IL1RL1: variants seen among roughly 807,000 people sequenced by gnomAD.
The protein encoded by IL1RL1 is interleukin-1 receptor-like 1.
In IL1RL1, 32 loss-of-function variants were observed where a neutral mutation model predicts 50.9. The observed-to-expected ratio is 0.63, with a 90% CI of 0.47 to 0.84. IL1RL1 has a LOEUF of 0.84. Among genes scored for constraint, IL1RL1 ranks in the 40% least tolerant of loss-of-function variants. IL1RL1 has a pLI of 0.00. For synonymous variants in IL1RL1, 275 were observed against 236.0 expected (o/e 1.17, Z -1.51); for missense variants, 773 against 662.9 (o/e 1.17, Z -1.82).
Position 102,351,701 on chromosome 2 carries a change from C to T in IL1RL1, c.1451C>T (p.Ala484Val), listed in dbSNP as rs1559609324. 5.6e-6 allele frequency: 9 copies of T among 1,614,110 alleles called. No individual in the cohort carries two copies. The highest frequency in any genetic ancestry group is 7.6e-6 in the Non-Finnish European group (9 of 1,180,012). ...DAKVILIEME[A>V]LSELDMLQAE... ...AAGGTGATACTTATTGAGATGGAGGCTCTGAGCGAGCTGGACATGCTGCAG... is the reference window on the plus strand; with the variant it reads ...AAGGTGATACTTATTGAGATGGAGGTTCTGAGCGAGCTGGACATGCTGCAG... The change falls in exon 11 of 11, where the codon GCT becomes GTT. Residue 484 changes from alanine to valine, a missense_variant. Ala to Val is a moderately conservative substitution (Grantham distance 64). Coordinates refer to ENST00000233954, the MANE Select transcript of IL1RL1 (RefSeq NM_016232.5).
chr2:102,342,416 A>T (rs1677605074), intron 6 of IL1RL1, 122 bp downstream of exon 6: 1 of 665,194 alleles, frequency 1.5e-6, no homozygotes, highest in South Asian at 1.8e-5. Flanking sequence ...GGAGTAAGTG[A>T]GGTGACATCC....
At chr2:102,326,391 C>CA (rs1376879194) in intron 1 of IL1RL1, among the ~76,000 whole-genome samples, 1 of 152,068 alleles carries the variant, frequency 6.6e-6, no homozygotes, top group African/African-American at 2.4e-5. Context: ...CCAGCCACTG[C>CA]AAAAACATGC....
At position 102,343,054 on chromosome 2, in the gene IL1RL1, C is replaced by G; in HGVS notation, c.701C>G (p.Thr234Ser). 6.2e-7 allele frequency: 1 copy of G among 1,613,992 alleles called. No homozygotes were observed. Among genetic ancestry groups the G allele is most frequent in the Non-Finnish European group, 8.5e-7 (1 of 1,179,954 alleles). ...CCTCTAGGAAAAAACGCAAACCTAA[C>G]TTGCTCTGCTTGTTTTGGAAAAGGC... ...EVEIGKNANL[T>S]CSACFGKGTQ... The change falls in exon 7 of 11, where the codon ACT (threonine) becomes AGT (serine). Residue 234 changes from threonine (T) to serine (S), a missense_variant. Thr to Ser is a moderately conservative substitution (Grantham distance 58). Coordinates refer to ENST00000233954, the MANE Select transcript of IL1RL1 (RefSeq NM_016232.5).
At chr2:102,311,791 TAACA>T in intron 1 of IL1RL1, among the ~76,000 whole-genome samples, 168 bp downstream of exon 1, 1 of 107,028 alleles carries the variant, frequency 9.3e-6, no homozygotes, top group East Asian at 2.4e-4. Context: ...TATAACATTA[TAACA>T]ATTATATATT....
chr2:102,335,059 A>T (rs1230455998), intron 1 of IL1RL1, among the ~76,000 whole-genome samples: 12 of 152,310 alleles, frequency 7.9e-5, no homozygotes, highest in African/African-American at 2.6e-4. Context: ...GAGAAGTCTT[A>T]AAAAAGTGGG....
At chr2:102,343,477 G>T (rs1403734083) in intron 8 of IL1RL1, 62 bp downstream of exon 8, 1 of 1,613,426 alleles carries the variant, frequency 6.2e-7, no homozygotes, top group Non-Finnish European at 8.5e-7. Flanking sequence ...AAGCAGAATG[G>T]AGTGTGGTTC....
In IL1RL1 at chr2:102,331,315, A is replaced by G. The variant is rs1677172768; in HGVS notation, c.-149-6801A>G. 1.3e-5 allele frequency among the ~76,000 whole-genome samples: 2 copies of G among 152,276 alleles called. 1 individual carries two copies. The highest frequency in any genetic ancestry group is 4.1e-4 in the South Asian group (2 of 4,836). Reference sequence around the variant, plus strand: ...GAATAAGTTACACTGACCTCAGGACAAAAGATGTACATGAACTAAATAAAG... The same window carrying G: ...GAATAAGTTACACTGACCTCAGGACGAAAGATGTACATGAACTAAATAAAG... On this transcript the variant is annotated intron_variant, in intron 1 of 10. Transcript: ENST00000233954.
At chr2:102,335,999 T>C (rs1677309770) in intron 1 of IL1RL1, among the ~76,000 whole-genome samples, 1 of 152,212 alleles carries the variant, frequency 6.6e-6, no homozygotes, top group African/African-American at 2.4e-5. Flanking sequence ...CAAAGGACTG[T>C]GTATCTCTTC....
intron 1 of IL1RL1, among the ~76,000 whole-genome samples, chr2:102,319,033 G>T (rs1042887815): frequency 6.6e-6 from 1 of 152,166 alleles, no homozygotes; most frequent in African/African-American, 2.4e-5. Context: ...TAACATAAAA[G>T]AATTTAAAAA....
chr2:102,325,590 G>A (rs1031580561), intron 1 of IL1RL1, among the ~76,000 whole-genome samples: 60 of 152,116 alleles, frequency 3.9e-4, no homozygotes, highest in Non-Finnish European at 7.4e-4. Context: ...TGGCAAAGAA[G>A]TTAAAAACCT....
chr2:102,341,146 A>G (rs753794909), intron 5 of IL1RL1: 178 of 1,075,160 alleles, frequency 1.7e-4, no homozygotes, highest in Non-Finnish European at 2.0e-4. Flanking sequence ...TGGCAATACA[A>G]CTATTTGGAG....
chr2:102,326,509 C>A (rs1212253999), intron 1 of IL1RL1, among the ~76,000 whole-genome samples: 1 of 152,058 alleles, frequency 6.6e-6, no homozygotes, highest in Non-Finnish European at 1.5e-5. Context: ...ACAATATTAA[C>A]CTTAAATGTA....
At chr2:102,336,012 C>T (rs987384273) in intron 1 of IL1RL1, among the ~76,000 whole-genome samples, 5 of 152,198 alleles carry the variant, frequency 3.3e-5, no homozygotes, top group African/African-American at 1.2e-4. Flanking sequence ...ATCTCTTCCT[C>T]TCAGAGCCAC....
chr2:102,348,320 C>T (rs1677837815), intron 9 of IL1RL1, among the ~76,000 whole-genome samples: 1 of 152,174 alleles, frequency 6.6e-6, no homozygotes, highest in African/African-American at 2.4e-5. Flanking sequence ...CTTTTCTTCC[C>T]CGATAGGATT....
chr2:102,345,016 T>C (rs552562742), intron 8 of IL1RL1: 1 of 951,158 alleles, frequency 1.1e-6, no homozygotes, highest in East Asian at 1.2e-4. Flanking sequence ...TTCTTTTTTA[T>C]ATATAAATAA....
intron 1 of IL1RL1, among the ~76,000 whole-genome samples, chr2:102,328,808 A>T (rs568747520): frequency 6.6e-6 from 1 of 152,220 alleles, no homozygotes; most frequent in African/African-American, 2.4e-5. Context: ...TTCAAGGAGA[A>T]CTGCAAACCA....
Position 102,338,211 on chromosome 2 carries a change from C to A in IL1RL1, c.-54C>A. The A allele has an allele frequency of 8.3e-7, 1 of 1,209,862 alleles. No homozygotes were observed. The highest frequency in any genetic ancestry group is 1.2e-6 in the Non-Finnish European group (1 of 817,622). The allele number at this position is 1,209,862 out of a possible 1,614,324, so 74.9% of individuals were successfully genotyped here. A position where few individuals can be genotyped will look rare whatever the true frequency, so the allele number is the denominator to read the frequency against. ...TCACTGTCGTATGCCAGTGACTCAT[C>A]TGGAGTAATCTCAACAACGAGTTAC... On this transcript the variant is annotated 5_prime_UTR_variant, in exon 2 of 11. The change creates a new upstream start codon in the 5' untranslated region. Coordinates refer to ENST00000233954, the MANE Select transcript of IL1RL1 (RefSeq NM_016232.5).
chr2:102,338,896 A>G lies in IL1RL1; in HGVS notation c.121A>G (p.Lys41Glu). The G allele has an allele frequency of 6.2e-7, 1 of 1,613,922 alleles. No homozygotes were observed. The highest frequency in any genetic ancestry group is 8.5e-7 in the Non-Finnish European group (1 of 1,179,830). Residue 41 changes from lysine to glutamate, a missense_variant, in exon 3 of 11, where the codon AAA becomes GAA. Coordinates refer to ENST00000233954, the MANE Select transcript of IL1RL1 (RefSeq NM_016232.5). The stretch of plus-strand genomic sequence containing the variant: ...AATTGTAAGATGTCCTAGACAAGGA[A>G]AACCTAGTTACACCGTGGATTGGTA... ...ALIVRCPRQG[K>E]PSYTVDWYYS...
chr2:102,321,120 G>A (rs1352160110), intron 1 of IL1RL1, among the ~76,000 whole-genome samples: 3 of 152,152 alleles, frequency 2.0e-5, no homozygotes, highest in African/African-American at 4.8e-5. Context: ...CTGCCCTTTC[G>A]ACCTGGGCTG....
Sources: gnomAD v4.1 joint callset for allele counts (sites outside exome capture counted in the v4.1 genomes callset) on GRCh38, gnomAD v4.1.1 for gene constraint, MANE v1.5 for transcripts, NCBI Gene and HGNC (gene_info 2026-07-23, HGNC 2026-07-21) for gene names.